The following PEX5L variants were observed in gnomAD, a reference collection of about 807,000 sequenced individuals.
The protein encoded by PEX5L is peroxisomal biogenesis factor 5 like, also known as PEX5-related protein.
PEX5L carries 30 observed loss-of-function variants against 84.0 expected under a neutral mutation model. The ratio of observed to expected loss-of-function variants is 0.36; its 90% CI spans 0.27 to 0.48. The LOEUF (loss-of-function observed/expected upper bound fraction) is 0.48. PEX5L is among the 20% of genes least tolerant of loss of function. The probability of loss-of-function intolerance (pLI) is 0.99; values close to 1 mark genes in which losing one functional copy is unlikely to be tolerated. For missense variants in PEX5L, 533 were observed against 754.6 expected (o/e 0.71, Z 3.44); for synonymous variants, 270 against 283.1 (o/e 0.95, Z 0.46).
chr3:180,017,234 C>T (rs1402552030), intron 1 of PEX5L, among the ~76,000 whole-genome samples: 1 of 152,156 alleles, frequency 6.6e-6, no homozygotes, highest in Non-Finnish European at 1.5e-5. Flanking sequence ...AATGTTTACA[C>T]ATCCCCAGAC....
At chr3:180,011,889 G>A (rs1459041423) in intron 1 of PEX5L, among the ~76,000 whole-genome samples, 1 of 152,138 alleles carries the variant, frequency 6.6e-6, no homozygotes, top group African/African-American at 2.4e-5. Context: ...AAGCAACCAG[G>A]CACTGAACTT....
At chr3:179,900,593 A>G (rs1013983237) in intron 2 of PEX5L, 2 of 1,030,540 alleles carry the variant, frequency 1.9e-6, no homozygotes, top group Non-Finnish European at 2.9e-6. Context: ...TGAACTCTAG[A>G]ACAAAGCAGT....
chr3:179,989,158 T>C (rs927155036), intron 1 of PEX5L, among the ~76,000 whole-genome samples: 2 of 152,196 alleles, frequency 1.3e-5, no homozygotes, highest in Non-Finnish European at 2.9e-5. Flanking sequence ...TTCTACCCAC[T>C]ATAGGCAGAC....
chr3:179,946,484 T>G (rs916582783), intron 2 of PEX5L, among the ~76,000 whole-genome samples: 18 of 152,074 alleles, frequency 1.2e-4, no homozygotes, highest in Admixed American at 1.0e-3. Flanking sequence ...AAAAAACATA[T>G]GCGATAGAGA....
At chr3:179,887,476 T>C (rs1158960996) in intron 4 of PEX5L, among the ~76,000 whole-genome samples, 197 bp downstream of exon 4, 5 of 152,256 alleles carry the variant, frequency 3.3e-5, no homozygotes, top group African/African-American at 4.8e-5. Context: ...GGTATACTTA[T>C]GTTCTGCAAA....
chr3:179,902,301 G>A (rs749264735), intron 2 of PEX5L, among the ~76,000 whole-genome samples: 3 of 152,138 alleles, frequency 2.0e-5, no homozygotes, highest in Non-Finnish European at 4.4e-5. Flanking sequence ...GTCTGTTCAC[G>A]TGGCTTAGTG....
intron 1 of PEX5L, among the ~76,000 whole-genome samples, chr3:179,974,529 A>G (rs953684599): frequency 1.3e-5 from 2 of 152,194 alleles, no homozygotes; most frequent in Non-Finnish European, 2.9e-5. Context: ...GAAAGGACAT[A>G]GTCTTTCTTT....
intron 3 of PEX5L, among the ~76,000 whole-genome samples, chr3:179,890,816 C>G (rs1011789514): frequency 6.6e-6 from 1 of 152,060 alleles, no homozygotes; most frequent in African/African-American, 2.4e-5. Context: ...ATAGTTTTAG[C>G]TGCAAATGCA....
intron 1 of PEX5L, among the ~76,000 whole-genome samples, chr3:179,979,245 A>AT (rs5854854): frequency 6.6e-6 from 1 of 151,616 alleles, no homozygotes; most frequent in African/African-American, 2.4e-5. Context: ...CCAAATTCAA[A>AT]TTTTAAAAAA....
chr3:179,925,897 T>G (rs1457822822), intron 2 of PEX5L, among the ~76,000 whole-genome samples: 1 of 152,166 alleles, frequency 6.6e-6, no homozygotes, highest in Non-Finnish European at 1.5e-5. Context: ...TCACAAGGTT[T>G]CTGATGGACC....
intron 2 of PEX5L, among the ~76,000 whole-genome samples, chr3:179,938,020 G>A (rs550753758): frequency 1.5e-4 from 22 of 151,464 alleles, no homozygotes; most frequent in East Asian, 3.9e-4. Flanking sequence ...CACCACCACC[G>A]TCACCACTAC....
chr3:179,945,560 AC>A lies in PEX5L; in HGVS notation c.93+26033del, dbSNP rs1404572189. Among the ~76,000 whole-genome samples, 4 of 152,320 alleles carry A rather than the reference AC, an allele frequency of 2.6e-5. No homozygotes were observed. In the East Asian group the frequency reaches 7.7e-4, roughly 29 times the overall value. On this transcript the variant is annotated intron_variant, in intron 2 of 14. Coordinates refer to ENST00000467460, the MANE Select transcript of PEX5L (RefSeq NM_016559.3). ...GCATGATGCCAGGCTATCTAATAAG[AC>A]TGCAGTCTCCATGGGAGGTTTTGTA... is the stretch of plus-strand genomic sequence containing the variant.
chr3:179,917,986 T>G (rs1254573050), intron 2 of PEX5L, among the ~76,000 whole-genome samples: 1 of 152,220 alleles, frequency 6.6e-6, no homozygotes, highest in East Asian at 1.9e-4. Context: ...GGAGCATGAC[T>G]GGACCTAAAT....
At chr3:179,911,522 T>C (rs1765172187) in intron 2 of PEX5L, among the ~76,000 whole-genome samples, 1 of 152,244 alleles carries the variant, frequency 6.6e-6, no homozygotes, top group Non-Finnish European at 1.5e-5. Flanking sequence ...TATGTAAAAG[T>C]AAGAATTCAA....
Position 179,859,141 on chromosome 3 carries a change from T to A in PEX5L, c.743A>T (p.Glu248Val). Residue 248 changes from glutamate (E) to valine (V), a missense_variant, in exon 8 of 15, where the codon GAA becomes GTA. Physicochemically the swap from Glu to Val is moderately radical, Grantham distance 121 (BLOSUM62 -2). Coordinates refer to ENST00000467460, the MANE Select transcript of PEX5L (RefSeq NM_016559.3). ...VAPTQARLTK[E>V]HRWGSALLSR... ...AAGTAATGCGCTTCCCCAGCGATGT[T>A]CTTTGGTCAGTCGAGCCTGAAATCA... is the stretch of plus-strand genomic sequence containing the variant. 1 of 1,613,710 alleles carries A rather than the reference T, an allele frequency of 6.2e-7. No individual in the cohort carries two copies. Among genetic ancestry groups the A allele is most frequent in the South Asian group, 1.1e-5 (1 of 91,076 alleles).
chr3:179,824,207 G>A (rs1040128754), intron 8 of PEX5L, among the ~76,000 whole-genome samples: 2 of 152,128 alleles, frequency 1.3e-5, no homozygotes, highest in Non-Finnish European at 2.9e-5. Context: ...TTGATTTTGT[G>A]GTCAAATGTA....
At chr3:180,003,471 A>C (rs894018997) in intron 1 of PEX5L, among the ~76,000 whole-genome samples, 2 of 152,142 alleles carry the variant, frequency 1.3e-5, no homozygotes, top group Admixed American at 1.3e-4. Flanking sequence ...ATTTGACCAA[A>C]TTTGTATTAG....
chr3:179,796,423 G>T lies in PEX5L; in HGVS notation c.*5405C>A, dbSNP rs998997709. ...CTTGTCTCTAGACTGTGTTATTTTG[G>T]TATTTCTGCAGAAGCTGCAGGTAGT... On this transcript the variant is annotated 3_prime_UTR_variant, in exon 15 of 15. Transcript: ENST00000467460. The T allele has an allele frequency of 6.6e-6, 1 of 152,104 alleles. No individual in the cohort carries two copies. The highest frequency in any genetic ancestry group is 1.5e-5 in the Non-Finnish European group (1 of 68,024). The allele number at this position is 152,104 out of a possible 1,614,324, so 9.4% of individuals were successfully genotyped here.
At chr3:179,903,467 C>A (rs1321289800) in intron 2 of PEX5L, among the ~76,000 whole-genome samples, 3 of 152,150 alleles carry the variant, frequency 2.0e-5, no homozygotes, top group African/African-American at 7.2e-5. Context: ...TGGGCTCAAG[C>A]AATCTTCCTG....
Sources: allele counts gnomAD v4.1 joint callset (sites outside exome capture counted in the v4.1 genomes callset), GRCh38; gene constraint gnomAD v4.1.1; transcripts MANE v1.5; gene names NCBI Gene and HGNC (gene_info 2026-07-23, HGNC 2026-07-21).